The following TENM2 variants were observed in gnomAD, a reference collection of about 807,000 sequenced individuals.
The protein encoded by TENM2 is teneurin transmembrane protein 2.
In TENM2, 52 loss-of-function variants were observed where a neutral mutation model predicts 245.2. That is an observed-to-expected ratio of 0.21 (90% CI 0.17 to 0.27). The LOEUF (loss-of-function observed/expected upper bound fraction) is 0.27. TENM2 is among the 10% of genes least tolerant of loss of function. The pLI, the probability that TENM2 is intolerant of heterozygous loss-of-function variation, is 1.00. For missense variants in TENM2, 3,046 were observed against 3,666.8 expected, an observed-to-expected ratio of 0.83 and a Z score of 4.37; for synonymous variants, 1,363 against 1,438.9, an observed-to-expected ratio of 0.95 and a Z score of 1.19.
chr5:168,192,259 C>T (rs1166345619), intron 14 of TENM2, among the ~76,000 whole-genome samples: 1 of 152,052 alleles, frequency 6.6e-6, no homozygotes, highest in East Asian at 1.9e-4. Context: ...TGTAATTCTC[C>T]CCAGGCCTGG....
At chr5:167,520,143 G>T (rs1770659515) in intron 2 of TENM2, among the ~76,000 whole-genome samples, 1 of 152,108 alleles carries the variant, frequency 6.6e-6, no homozygotes, top group Admixed American at 6.6e-5. Context: ...GCCTTAAACA[G>T]CCCAGCAAGG....
At chr5:167,252,002 A>G in the TENM2 span, among the ~76,000 whole-genome samples, 1 of 152,104 alleles carries the variant, frequency 6.6e-6, no homozygotes, top group African/African-American at 2.4e-5. Context: ...CCTACCAAAG[A>G]TTTCTCAGGA....
intron 1 of TENM2, among the ~76,000 whole-genome samples, chr5:167,307,176 G>T (rs1026126430): frequency 6.6e-5 from 10 of 152,204 alleles, no homozygotes; most frequent in African/African-American, 2.2e-4. Flanking sequence ...AGACAATGCA[G>T]AGGGCTATTT....
At chr5:167,054,692 T>G in the TENM2 span, among the ~76,000 whole-genome samples, 1 of 152,104 alleles carries the variant, frequency 6.6e-6, no homozygotes, top group South Asian at 2.1e-4. Flanking sequence ...TAACCAGGAG[T>G]TGGTATTGTC....
chr5:168,152,558 T>C (rs1362361559), intron 12 of TENM2, among the ~76,000 whole-genome samples: 2 of 152,070 alleles, frequency 1.3e-5, no homozygotes, highest in East Asian at 1.9e-4. Context: ...AAATAACAAA[T>C]AAGAAATCAA....
chr5:167,675,786 G>A (rs555230960), intron 2 of TENM2, among the ~76,000 whole-genome samples: 2 of 152,166 alleles, frequency 1.3e-5, no homozygotes, highest in African/African-American at 4.8e-5. Context: ...GAAAACAGAA[G>A]CAATTGTTAT....
At chr5:167,143,590 AG>A in the TENM2 span, among the ~76,000 whole-genome samples, 2 of 152,146 alleles carry the variant, frequency 1.3e-5, no homozygotes, top group Admixed American at 1.3e-4. Context: ...GAGGGGAAAA[AG>A]CATGAAGTGG....
chr5:167,111,507 C>G, the TENM2 span, among the ~76,000 whole-genome samples: 3 of 152,168 alleles, frequency 2.0e-5, no homozygotes, highest in Non-Finnish European at 2.9e-5. Flanking sequence ...CAAAGAAAAT[C>G]AACAGGAATT....
At chr5:167,426,832 A>G (rs1056603457) in intron 2 of TENM2, among the ~76,000 whole-genome samples, 4 of 152,162 alleles carry the variant, frequency 2.6e-5, no homozygotes, top group Non-Finnish European at 5.9e-5. Flanking sequence ...AAAATCAACA[A>G]CATATGCTCT....
chr5:167,071,763 G>A, the TENM2 span, among the ~76,000 whole-genome samples: 1 of 152,100 alleles, frequency 6.6e-6, no homozygotes, highest in Non-Finnish European at 1.5e-5. Context: ...AGAAGATTGA[G>A]GCTCAGAGGA....
intron 2 of TENM2, among the ~76,000 whole-genome samples, chr5:167,537,837 G>A (rs1562037173): frequency 6.6e-6 from 1 of 152,190 alleles, no homozygotes; most frequent in Non-Finnish European, 1.5e-5. Context: ...TTAAGGAGTA[G>A]GATGCCTGTA....
intron 2 of TENM2, among the ~76,000 whole-genome samples, chr5:167,547,613 C>T (rs1026664769): frequency 1.3e-5 from 2 of 152,108 alleles, no homozygotes; most frequent in African/African-American, 2.4e-5. Flanking sequence ...TGGAGCTACC[C>T]GGGGACTTTA....
chr5:167,797,889 A>G (rs1384269172), intron 2 of TENM2, among the ~76,000 whole-genome samples: 2 of 152,220 alleles, frequency 1.3e-5, no homozygotes, highest in Non-Finnish European at 2.9e-5. Context: ...AGGGGAAAAC[A>G]TGGATCTAAC....
At chr5:167,132,594 G>T in the TENM2 span, among the ~76,000 whole-genome samples, 1 of 152,148 alleles carries the variant, frequency 6.6e-6, no homozygotes, top group Non-Finnish European at 1.5e-5. Flanking sequence ...GAAGGCGGAA[G>T]AAGTCCTCCC....
the TENM2 span, among the ~76,000 whole-genome samples, chr5:167,188,924 C>T: frequency 1.3e-5 from 2 of 152,086 alleles, no homozygotes; most frequent in African/African-American, 4.8e-5. Context: ...ACATTTTGTA[C>T]ATTTTTGTGG....
chr5:167,670,667 A>C (rs1385308903), intron 2 of TENM2, among the ~76,000 whole-genome samples: 1 of 152,172 alleles, frequency 6.6e-6, no homozygotes, highest in Non-Finnish European at 1.5e-5. Flanking sequence ...GCACGTTCAC[A>C]GTGAGCCTGA....
At chr5:168,229,863 A>G (rs1367845491) in intron 25 of TENM2, 1 of 152,224 alleles carries the variant, frequency 6.6e-6, no homozygotes, top group Admixed American at 6.5e-5. Flanking sequence ...GTAGCCTCCT[A>G]AAGACAAAAA....
intron 2 of TENM2, among the ~76,000 whole-genome samples, chr5:167,640,706 C>A (rs866667429): frequency 6.7e-6 from 1 of 149,900 alleles, no homozygotes; most frequent in Non-Finnish European, 1.5e-5. Flanking sequence ...CTTAGTAACA[C>A]AGTATAAAGC....
intron 2 of TENM2, among the ~76,000 whole-genome samples, chr5:167,801,335 T>C (rs979183830): frequency 2.0e-5 from 3 of 151,768 alleles, no homozygotes; most frequent in Non-Finnish European, 4.4e-5. Flanking sequence ...GGTCAATAAG[T>C]TGGTGCCAGC....
Sources: gnomAD v4.1 joint callset for allele counts (sites outside exome capture counted in the v4.1 genomes callset) on GRCh38, gnomAD v4.1.1 for gene constraint, MANE v1.5 for transcripts, NCBI Gene and HGNC (gene_info 2026-07-23, HGNC 2026-07-21) for gene names.